The following RPP30 variants were observed in gnomAD, a reference collection of about 807,000 sequenced individuals.
RPP30 encodes ribonuclease P/MRP subunit p30.
RPP30 carries 36 observed loss-of-function variants against 38.6 expected under a neutral mutation model. The observed-to-expected ratio is 0.93, with a 90% CI of 0.71 to 1.23. RPP30 has a LOEUF of 1.23. RPP30 is among the 50% of genes most tolerant of loss of function. The pLI is 0.00. For synonymous variants in RPP30, 126 were observed against 112.7 expected, an observed-to-expected ratio of 1.12 and a Z score of -0.75; for missense variants, 321 against 321.7, an observed-to-expected ratio of 1.00 and a Z score of 0.02.
chr10:90,904,551 A>C (rs1357179439), downstream of RPP30, among the ~76,000 whole-genome samples: 1 of 152,160 alleles, frequency 6.6e-6, no homozygotes, highest in Admixed American at 6.5e-5. Context: ...CATGGCTTAC[A>C]CTTGTAATCC....
intron 5 of RPP30, among the ~76,000 whole-genome samples, chr10:90,884,753 C>T (rs1198309497): frequency 1.3e-5 from 2 of 152,116 alleles, no homozygotes; most frequent in South Asian, 2.1e-4. Context: ...CTGTCATTGC[C>T]GAAGGTTGGC....
chr10:90,895,783 T>C, intron 8 of RPP30, 97 bp from the exon 9 acceptor site: 18 of 891,552 alleles, frequency 2.0e-5, no homozygotes, highest in Non-Finnish European at 3.1e-5. Flanking sequence ...GTAATTTTTT[T>C]ATTTTTGGAT....
downstream of RPP30, chr10:90,903,153 A>G (rs886290429): frequency 7.1e-6 from 8 of 1,133,936 alleles, no homozygotes; most frequent in African/African-American, 1.2e-4. Context: ...CTGCACTTGG[A>G]TTGCTTCACT....
intron 1 of RPP30, 126 bp from the exon 2 acceptor site, chr10:90,874,743 G>T: frequency 2.0e-6 from 1 of 489,984 alleles, no homozygotes; most frequent in East Asian, 3.3e-5. Context: ...ACTGACACTA[G>T]AGTTCACATT....
At chr10:90,894,272 A>T (rs1450231961) in intron 6 of RPP30, among the ~76,000 whole-genome samples, 1 of 152,230 alleles carries the variant, frequency 6.6e-6, no homozygotes, top group African/African-American at 2.4e-5. Flanking sequence ...TATGGCTGTT[A>T]TTCTCTCTTC....
chr10:90,907,965 C>T (rs1312156060), downstream of RPP30, among the ~76,000 whole-genome samples: 1 of 152,168 alleles, frequency 6.6e-6, no homozygotes, highest in East Asian at 1.9e-4. Context: ...GCCTACTAAA[C>T]ACCTAGGCTA....
Position 90,896,380 on chromosome 10 carries a change from C to G in RPP30, c.685C>G (p.Leu229Val). The G allele has an allele frequency of 6.2e-7, 1 of 1,613,900 alleles. No individual in the cohort carries two copies. Among genetic ancestry groups the G allele is most frequent in the Non-Finnish European group, 8.5e-7 (1 of 1,179,824 alleles). Residue 229 changes from leucine (L) to valine (V), a missense_variant, in exon 10 of 11, where the codon CTT becomes GTT. By Grantham distance (32) the Leu-to-Val change is conservative. Coordinates refer to ENST00000371703, the MANE Select transcript of RPP30 (RefSeq NM_006413.5). ...AAVSTNCRAA[L>V]LHGETRKTAF... ...GGTGTCCACCAACTGCCGAGCAGCGCTTCTCCATGGAGGTAAGCAAGTTCT... is the reference window on the plus strand; with the variant it reads ...GGTGTCCACCAACTGCCGAGCAGCGGTTCTCCATGGAGGTAAGCAAGTTCT...
Position 90,900,716 on chromosome 10 carries a change from C to G in RPP30, c.*37C>G. On this transcript the variant is annotated 3_prime_UTR_variant, in exon 11 of 11. Coordinates refer to ENST00000371703, the MANE Select transcript of RPP30 (RefSeq NM_006413.5). ...CAGTCTCTGTCAGCACTCCCTTCTT[C>G]CCTTTTATAGTTCATCAGCCACAAC... 3 of 1,595,530 alleles carry G rather than the reference C, an allele frequency of 1.9e-6. No individual in the cohort carries two copies. The highest frequency in any genetic ancestry group is 2.6e-6 in the Non-Finnish European group (3 of 1,173,234).
chr10:90,881,885 C>G (rs1009641141), intron 5 of RPP30, among the ~76,000 whole-genome samples: 13 of 152,238 alleles, frequency 8.5e-5, no homozygotes, highest in African/African-American at 3.1e-4. Context: ...CACAGACAGA[C>G]ACATGTTTAT....
At chr10:90,907,515 T>A (rs1847266356), downstream of RPP30, among the ~76,000 whole-genome samples, 5 of 152,248 alleles carry the variant, frequency 3.3e-5, no homozygotes, top group African/African-American at 9.6e-5. Context: ...TTATGGACTA[T>A]GCGTATACAC....
chr10:90,876,875 A>G (rs1375876946), intron 4 of RPP30, among the ~76,000 whole-genome samples: 1 of 152,048 alleles, frequency 6.6e-6, no homozygotes, highest in Non-Finnish European at 1.5e-5. Flanking sequence ...GATGGGATTT[A>G]TTGGTTAATT....
At chr10:90,902,234 T>G, downstream of RPP30, 1 of 683,724 alleles carries the variant, frequency 1.5e-6, no homozygotes, top group Non-Finnish European at 1.9e-6. Context: ...CTTCTTCTTT[T>G]TGAGACAGGG....
intron 7 of RPP30, 198 bp from the exon 8 acceptor site, chr10:90,895,256 T>C (rs1847126812): frequency 2.0e-6 from 1 of 490,082 alleles, no homozygotes; most frequent in Non-Finnish European, 3.5e-6. Flanking sequence ...GGAAAACATA[T>C]TTTGTTTTTT....
At chr10:90,872,845 C>T (rs1846800038) in intron 1 of RPP30, among the ~76,000 whole-genome samples, 1 of 152,160 alleles carries the variant, frequency 6.6e-6, no homozygotes, top group East Asian at 1.9e-4. Flanking sequence ...AATCACACCA[C>T]TTTTTTATTG....
chr10:90,879,205 A>G, intron 5 of RPP30, 71 bp downstream of exon 5: 2 of 1,239,924 alleles, frequency 1.6e-6, no homozygotes, highest in Non-Finnish European at 2.3e-6. Flanking sequence ...CTGACTTTGT[A>G]GATGACCTGT....
At chr10:90,886,882 A>G (rs1847007063) in intron 6 of RPP30, among the ~76,000 whole-genome samples, 1 of 152,192 alleles carries the variant, frequency 6.6e-6, no homozygotes, top group Admixed American at 6.5e-5. Context: ...GTGCTAAGGA[A>G]TTGGCTTGAG....
intron 1 of RPP30, among the ~76,000 whole-genome samples, chr10:90,874,352 A>C (rs1489250853): frequency 6.6e-6 from 1 of 152,192 alleles, no homozygotes; most frequent in African/African-American, 2.4e-5. Flanking sequence ...TTATCACTCC[A>C]TTTCTCCTTA....
intron 6 of RPP30, among the ~76,000 whole-genome samples, chr10:90,886,198 A>G (rs764219746): frequency 1.1e-4 from 17 of 152,210 alleles, no homozygotes; most frequent in African/African-American, 2.4e-5. Flanking sequence ...CTGAACATCA[A>G]TTATTAAGGG....
Position 90,901,055 on chromosome 10 carries a change from C to A in RPP30, c.*376C>A. On this transcript the variant is annotated 3_prime_UTR_variant, in exon 11 of 11. Transcript: ENST00000371703. ...ACAGTGGCATAATCACAGCTCACTG[C>A]AACCTCAATCCTGGGCTCAAGTGAT... is the stretch of plus-strand genomic sequence containing the variant. The A allele has an allele frequency of 3.8e-6, 2 of 532,188 alleles. No individual in the cohort carries two copies. The allele number at this position is 532,188 out of a possible 1,614,324, so 33.0% of individuals were successfully genotyped here.
Sources: allele counts gnomAD v4.1 joint callset (sites outside exome capture counted in the v4.1 genomes callset), GRCh38; gene constraint gnomAD v4.1.1; transcripts MANE v1.5; gene names NCBI Gene and HGNC (gene_info 2026-07-23, HGNC 2026-07-21).